Variants in EYS observed in about 807,000 individuals in gnomAD.
EYS encodes the protein EGF-like photoreceptor maintenance factor.
Under a neutral mutation model 282.1 loss-of-function variants are expected in EYS, and 250 were observed. The ratio of observed to expected loss-of-function variants is 0.89; its 90% confidence interval spans 0.80 to 0.98. EYS has a LOEUF of 0.98. Ranked by LOEUF, EYS falls within the 50% of genes least tolerant of loss-of-function variation. The pLI is 0.00. For missense variants in EYS, 4,016 were observed against 3,709.0 expected (o/e 1.08, Z -2.15); for synonymous variants, 1,355 against 1,282.9 (o/e 1.06, Z -1.20).
In EYS at chr6:64,637,841, C is replaced by T. The variant is rs1370577784; in HGVS notation, c.3444-11596G>A. On this transcript the variant is annotated intron_variant, in intron 22 of 42. Transcript: ENST00000503581. The stretch of plus-strand genomic sequence containing the variant: ...ATGGGTTGATCTGTGTAGCAAACCA[C>T]CATGACACACGTTTACCTTTGTAAC... Among the ~76,000 whole-genome samples, 2 of 90,486 alleles carry T rather than the reference C, an allele frequency of 2.2e-5. 1 individual carries two copies. The allele number at this position is 90,486 out of a possible 152,430, so 59.4% of individuals were successfully genotyped here. A position where few individuals can be genotyped will look rare whatever the true frequency, so the allele number is the denominator to read the frequency against.
intron 29 of EYS, among the ~76,000 whole-genome samples, chr6:64,361,146 T>G (rs1185550216): frequency 6.6e-6 from 1 of 151,740 alleles, no homozygotes; most frequent in African/African-American, 2.4e-5. Context: ...CACATCACTG[T>G]GCTAAGAAGT....
intron 22 of EYS, among the ~76,000 whole-genome samples, chr6:64,671,550 C>T (rs1486865240): frequency 6.6e-6 from 1 of 152,028 alleles, no homozygotes; most frequent in African/African-American, 2.4e-5. Flanking sequence ...CTTTTTGAGA[C>T]AGTATGTTGG....
chr6:65,313,353 C>A (rs930037009), intron 11 of EYS, among the ~76,000 whole-genome samples: 2 of 151,634 alleles, frequency 1.3e-5, no homozygotes, highest in East Asian at 1.9e-4. Context: ...CCGATACATG[C>A]GTGATTAACA....
chr6:64,458,280 T>C (rs2150482873), intron 26 of EYS, among the ~76,000 whole-genome samples: 1 of 152,232 alleles, frequency 6.6e-6, no homozygotes, highest in Admixed American at 6.5e-5. Context: ...AGTTTTATAC[T>C]TCTAAATGTT....
At chr6:64,305,694 C>A (rs1769415915) in intron 30 of EYS, among the ~76,000 whole-genome samples, 1 of 152,064 alleles carries the variant, frequency 6.6e-6, no homozygotes, top group African/African-American at 2.4e-5. Context: ...AACAGAATGA[C>A]CCAAATAGTT....
At chr6:64,753,962 T>G (rs1314150315) in intron 22 of EYS, among the ~76,000 whole-genome samples, 1 of 152,082 alleles carries the variant, frequency 6.6e-6, no homozygotes, top group African/African-American at 2.4e-5. Context: ...CTCTGAAAGC[T>G]ATACAAATAC....
At chr6:64,619,053 T>C (rs1433948091) in intron 23 of EYS, among the ~76,000 whole-genome samples, 1 of 152,210 alleles carries the variant, frequency 6.6e-6, no homozygotes, top group East Asian at 1.9e-4. Flanking sequence ...ACTAAAGGAA[T>C]GCTGATATAA....
At chr6:65,100,411 C>T (rs1387659681) in intron 12 of EYS, among the ~76,000 whole-genome samples, 1 of 150,340 alleles carries the variant, frequency 6.7e-6, no homozygotes, top group Non-Finnish European at 1.5e-5. Context: ...GATGAATGCA[C>T]ATTTTAAAAT....
At chr6:64,511,910 C>T (rs1014550999) in intron 26 of EYS, among the ~76,000 whole-genome samples, 1 of 151,894 alleles carries the variant, frequency 6.6e-6, no homozygotes, top group Non-Finnish European at 1.5e-5. Flanking sequence ...AGGTAAAGAA[C>T]ATATAAATTA....
At chr6:64,569,664 C>T (rs541320661) in intron 26 of EYS, among the ~76,000 whole-genome samples, 5 of 152,028 alleles carry the variant, frequency 3.3e-5, no homozygotes, top group Admixed American at 2.6e-4. Context: ...TTGCGTGAAC[C>T]CGGGAGGCGG....
intron 1 of EYS, among the ~76,000 whole-genome samples, chr6:65,645,890 T>C (rs13199402): frequency 0.16 from 24,175 of 151,924 alleles, 2,066 homozygotes; most frequent in South Asian, 0.3. Context: ...TCAAGTCTAC[T>C]ACGAACACCT....
intron 2 of EYS, among the ~76,000 whole-genome samples, chr6:65,614,137 C>T (rs1024695510): frequency 6.6e-6 from 1 of 151,864 alleles, no homozygotes. Context: ...TATATTATTT[C>T]ACAGATAATA....
intron 12 of EYS, among the ~76,000 whole-genome samples, chr6:65,262,604 T>C (rs1767649361): frequency 6.6e-6 from 1 of 152,106 alleles, no homozygotes; most frequent in African/African-American, 2.4e-5. Context: ...ATAATTTCTT[T>C]AATGATATAA....
intron 29 of EYS, among the ~76,000 whole-genome samples, chr6:64,343,284 C>A (rs1369001142): frequency 6.6e-6 from 1 of 151,674 alleles, no homozygotes; most frequent in Non-Finnish European, 1.5e-5. Context: ...ACACCTATTC[C>A]AAAATTGACC....
intron 31 of EYS, among the ~76,000 whole-genome samples, chr6:64,111,058 T>C (rs1485957841): frequency 6.6e-6 from 1 of 152,076 alleles, no homozygotes; most frequent in Admixed American, 6.6e-5. Flanking sequence ...GTTTAAATGC[T>C]GTCACAAGGG....
chr6:65,682,671 T>A (rs1157427904), intron 1 of EYS, among the ~76,000 whole-genome samples: 1 of 151,846 alleles, frequency 6.6e-6, no homozygotes, highest in African/African-American at 2.4e-5. Context: ...CTCCGGGAGC[T>A]CCAATATAGC....
chr6:64,312,483 T>C (rs1005279142), intron 29 of EYS, among the ~76,000 whole-genome samples: 5 of 152,176 alleles, frequency 3.3e-5, no homozygotes, highest in Admixed American at 6.5e-5. Flanking sequence ...CCTGACTGAC[T>C]ACTCTAAAGA....
chr6:65,320,612 T>C (rs1235005655), intron 11 of EYS, among the ~76,000 whole-genome samples: 1 of 152,170 alleles, frequency 6.6e-6, no homozygotes, highest in Non-Finnish European at 1.5e-5. Context: ...AAGTGGCACA[T>C]GGGATAGATG....
At chr6:64,818,677 A>G (rs1274142011) in intron 21 of EYS, among the ~76,000 whole-genome samples, 1 of 152,162 alleles carries the variant, frequency 6.6e-6, no homozygotes, top group Admixed American at 6.6e-5. Flanking sequence ...AGCACCCGGC[A>G]TGGGAGAAAA....
Sources: allele counts gnomAD v4.1 joint callset (sites outside exome capture counted in the v4.1 genomes callset), GRCh38; gene constraint gnomAD v4.1.1; transcripts MANE v1.5; gene names NCBI Gene and HGNC (gene_info 2026-07-23, HGNC 2026-07-21).